The following ADGRL3 variants were observed in gnomAD, a reference collection of about 807,000 sequenced individuals.
ADGRL3 encodes adhesion G protein-coupled receptor L3, also known as calcium-independent alpha-latrotoxin receptor 3.
In ADGRL3, 62 loss-of-function variants were observed where a neutral mutation model predicts 153.5. The ratio of observed to expected loss-of-function variants is 0.40; its 90% confidence interval spans 0.33 to 0.50. The LOEUF is 0.50. ADGRL3 is among the 20% of genes least tolerant of loss of function. The pLI, the probability that ADGRL3 is intolerant of heterozygous loss-of-function variation, is 0.47. For missense variants in ADGRL3, 1,641 were observed against 1,859.4 expected, an observed-to-expected ratio of 0.88 and a Z score of 2.16; for synonymous variants, 710 against 672.5, an observed-to-expected ratio of 1.06 and a Z score of -0.86.
At chr4:61,357,723 T>G (rs1481957893) in intron 1 of ADGRL3, among the ~76,000 whole-genome samples, 1 of 152,114 alleles carries the variant, frequency 6.6e-6, no homozygotes, top group African/African-American at 2.4e-5. Context: ...TTTTGACACA[T>G]ATGAAAGTTA....
chr4:61,464,544 T>G (rs2152629306), intron 2 of ADGRL3, among the ~76,000 whole-genome samples: 1 of 152,334 alleles, frequency 6.6e-6, no homozygotes, highest in Admixed American at 6.5e-5. Flanking sequence ...TTCAGACTTT[T>G]AGAAAATTTT....
chr4:61,705,880 C>A (rs994348859), intron 6 of ADGRL3, among the ~76,000 whole-genome samples: 4 of 152,124 alleles, frequency 2.6e-5, no homozygotes, highest in African/African-American at 7.2e-5. Flanking sequence ...GTAGACCATG[C>A]TGTAAACAGA....
intron 5 of ADGRL3, among the ~76,000 whole-genome samples, chr4:61,596,664 G>T (rs2098990355): frequency 6.6e-6 from 1 of 152,060 alleles, no homozygotes; most frequent in Non-Finnish European, 1.5e-5. Flanking sequence ...CCTAGCCTGG[G>T]CAACATGGTG....
chr4:61,297,648 T>G (rs559802758), intron 1 of ADGRL3, among the ~76,000 whole-genome samples: 1 of 152,120 alleles, frequency 6.6e-6, no homozygotes, highest in African/African-American at 2.4e-5. Context: ...GATTTTGAAT[T>G]GGCAGAACTT....
intron 1 of ADGRL3, among the ~76,000 whole-genome samples, chr4:61,344,568 G>A (rs1403533122): frequency 1.3e-5 from 2 of 151,936 alleles, no homozygotes. Flanking sequence ...ACTCAAGAAA[G>A]CTATAAGACT....
chr4:61,983,329 G>A, intron 18 of ADGRL3, 54 bp from the exon 19 acceptor site: 1 of 1,388,630 alleles, frequency 7.2e-7, no homozygotes, highest in East Asian at 2.3e-5. Flanking sequence ...TATGGCAGTT[G>A]ACTAGTATCC....
At chr4:61,627,244 G>T (rs1307418785) in intron 5 of ADGRL3, among the ~76,000 whole-genome samples, 1 of 151,870 alleles carries the variant, frequency 6.6e-6, no homozygotes, top group Non-Finnish European at 1.5e-5. Context: ...TGTAGCTTGT[G>T]CAAAAAAAAT....
At chr4:61,640,671 A>T (rs2093625492) in intron 5 of ADGRL3, among the ~76,000 whole-genome samples, 1 of 152,190 alleles carries the variant, frequency 6.6e-6, no homozygotes, top group South Asian at 2.1e-4. Context: ...TTTTGTTTGC[A>T]TATAACACTT....
intron 21 of ADGRL3, among the ~76,000 whole-genome samples, chr4:62,021,222 A>G (rs1022327755): frequency 1.3e-5 from 2 of 152,172 alleles, no homozygotes; most frequent in Non-Finnish European, 2.9e-5. Flanking sequence ...GTATATTTGC[A>G]TAATTTTGTG....
At chr4:61,966,397 G>A (rs1455013670) in intron 17 of ADGRL3, among the ~76,000 whole-genome samples, 1 of 152,040 alleles carries the variant, frequency 6.6e-6, no homozygotes, top group African/African-American at 2.4e-5. Flanking sequence ...TCACTGTGGT[G>A]AATTTCTCTT....
chr4:61,692,879 T>C (rs1327856836), intron 6 of ADGRL3, among the ~76,000 whole-genome samples: 2 of 152,194 alleles, frequency 1.3e-5, no homozygotes, highest in East Asian at 1.9e-4. Context: ...AGTGGGTACC[T>C]TTAGCGTGTT....
intron 1 of ADGRL3, among the ~76,000 whole-genome samples, chr4:61,291,175 T>TACACACACACACAC (rs68037459): frequency 7.4e-6 from 1 of 135,408 alleles, no homozygotes; most frequent in African/African-American, 2.9e-5. Context: ...CCTGGATCAA[T>TACACACACACACAC]ACACACACAC....
At chr4:61,285,799 A>G (rs1255807512) in intron 1 of ADGRL3, among the ~76,000 whole-genome samples, 1 of 151,764 alleles carries the variant, frequency 6.6e-6, no homozygotes, top group Non-Finnish European at 1.5e-5. Flanking sequence ...ATGAATAGAG[A>G]GGAGGCTAAT....
intron 17 of ADGRL3, among the ~76,000 whole-genome samples, chr4:61,951,856 CTG>C (rs1361424385): frequency 6.6e-6 from 1 of 152,134 alleles, no homozygotes; most frequent in African/African-American, 2.4e-5. Flanking sequence ...CCAAGCAAGA[CTG>C]TGTCACAAAC....
chr4:61,563,385 T>A (rs1285841528), intron 4 of ADGRL3, among the ~76,000 whole-genome samples: 2 of 152,162 alleles, frequency 1.3e-5, no homozygotes, highest in Admixed American at 6.5e-5. Flanking sequence ...CAGAGTAGAT[T>A]TAGCATAATT....
intron 6 of ADGRL3, among the ~76,000 whole-genome samples, chr4:61,702,491 C>A (rs2095785906): frequency 6.6e-6 from 1 of 152,066 alleles, no homozygotes; most frequent in Non-Finnish European, 1.5e-5. Flanking sequence ...TAGCATCAGC[C>A]CTTTATTCCT....
At chr4:61,428,005 G>A (rs2097303888) in intron 2 of ADGRL3, 1 of 152,988 alleles carries the variant, frequency 6.5e-6, no homozygotes, top group Non-Finnish European at 1.5e-5. Context: ...TGAGCAGGAA[G>A]GCTGCCACAA....
intron 9 of ADGRL3, among the ~76,000 whole-genome samples, chr4:61,819,376 C>G (rs2097724987): frequency 6.6e-6 from 1 of 151,976 alleles, no homozygotes; most frequent in African/African-American, 2.4e-5. Flanking sequence ...AACCATCTTA[C>G]CTTTTCTTTT....
At chr4:61,240,896 A>G (rs1465280656) in intron 1 of ADGRL3, among the ~76,000 whole-genome samples, 1 of 152,056 alleles carries the variant, frequency 6.6e-6, no homozygotes. Flanking sequence ...GAATGAAATA[A>G]TGAAAGATTT....
Sources: gnomAD v4.1 joint callset for allele counts (sites outside exome capture counted in the v4.1 genomes callset) on GRCh38, gnomAD v4.1.1 for gene constraint, MANE v1.5 for transcripts, NCBI Gene and HGNC (gene_info 2026-07-23, HGNC 2026-07-21) for gene names.